KLF7: variants seen among roughly 807,000 people sequenced by gnomAD.
The protein encoded by KLF7 is KLF transcription factor 7.
Under a neutral mutation model 27.3 loss-of-function variants are expected in KLF7, and 2 were observed. The ratio of observed to expected loss-of-function variants is 0.07; its 90% CI spans 0.03 to 0.23. KLF7 has a LOEUF of 0.23. Ranked by LOEUF, KLF7 falls within the 10% of genes least tolerant of loss-of-function variation. KLF7 has a pLI of 1.00. For missense variants in KLF7, 221 were observed against 394.1 expected (o/e 0.56, Z 3.72); for synonymous variants, 165 against 162.4 (o/e 1.02, Z -0.12).
chr2:207,169,274 G>A (rs2078769834), upstream of KLF7, among the ~76,000 whole-genome samples: 1 of 152,078 alleles, frequency 6.6e-6, no homozygotes, highest in African/African-American at 2.4e-5. Context: ...CCCACCCGGG[G>A]GGAGCTTAGA....
At chr2:207,113,262 G>T (rs2077083098) in intron 2 of KLF7, among the ~76,000 whole-genome samples, 1 of 151,942 alleles carries the variant, frequency 6.6e-6, no homozygotes. Flanking sequence ...TTTTCCTGAA[G>T]ACCAAAGCTG....
chr2:207,075,139 T>C lies in KLF7; in HGVS notation c.*6074A>G, dbSNP rs945787326. 2 of 152,084 alleles carry C rather than the reference T, an allele frequency of 1.3e-5. No homozygotes were observed. The highest frequency in any genetic ancestry group is 1.5e-5 in the Non-Finnish European group (1 of 68,004). The allele number at this position is 152,084 out of a possible 1,614,324, so 9.4% of individuals were successfully genotyped here. On this transcript the variant is annotated 3_prime_UTR_variant, in exon 4 of 4. Transcript: ENST00000309446. ...TTATTACACATATTACATTCTTAAA[T>C]AAAAATGCGTCACATAACATTTTTT...
intron 2 of KLF7, among the ~76,000 whole-genome samples, chr2:207,097,146 C>A (rs2076650127): frequency 6.6e-6 from 1 of 151,946 alleles, no homozygotes; most frequent in South Asian, 2.1e-4. Context: ...AACTCAGCAT[C>A]AAAAAATAGA....
intron 1 of KLF7, among the ~76,000 whole-genome samples, chr2:207,129,268 T>C (rs1328714823): frequency 1.3e-5 from 2 of 152,192 alleles, no homozygotes; most frequent in Admixed American, 6.5e-5. Context: ...TCAGCGAATG[T>C]CAGTTTAATG....
upstream of KLF7, chr2:207,166,363 G>A (rs2078709574): frequency 5.2e-6 from 1 of 193,134 alleles, no homozygotes; most frequent in Admixed American, 6.5e-5. Context: ...TATATAAGGG[G>A]GCTGAGGCGG....
chr2:207,120,082 A>G (rs564128247), intron 2 of KLF7, among the ~76,000 whole-genome samples: 1 of 152,046 alleles, frequency 6.6e-6, no homozygotes, highest in Non-Finnish European at 1.5e-5. Context: ...GTTATCCTGC[A>G]CCTCCAGCTC....
Position 207,165,585 on chromosome 2 carries a change from A to T in KLF7, c.-17T>A. ...CACGTCCATGCTGCTGCTGCCGGGCAAAACGGGAGGCGAAACCCTCCCCCG... is the reference window on the plus strand; with the variant it reads ...CACGTCCATGCTGCTGCTGCCGGGCTAAACGGGAGGCGAAACCCTCCCCCG... On this transcript the variant is annotated 5_prime_UTR_variant, in exon 1 of 4. Coordinates refer to ENST00000309446, the MANE Select transcript of KLF7 (RefSeq NM_003709.4). 6.2e-7 allele frequency: 1 copy of T among 1,612,978 alleles called. No individual in the cohort carries two copies. The highest frequency in any genetic ancestry group is 1.1e-5 in the South Asian group (1 of 91,032).
upstream of KLF7, chr2:207,166,710 C>T (rs2078723022): frequency 3.8e-6 from 3 of 785,210 alleles, no homozygotes; most frequent in Admixed American, 1.3e-4. Flanking sequence ...CGCCTGGGCA[C>T]GGGGCAGGGA....
rs778806615 is a variant in KLF7 at position 207,076,954 on chromosome 2, C to CT, written c.*4258dup. On this transcript the variant is annotated 3_prime_UTR_variant, in exon 4 of 4. Transcript: ENST00000309446. Reference sequence around the variant, plus strand: ...AATTGTAGCCAGAAATGCTGGCCCTCTTAAGATTTCAAAAAAATTCTAATA... The same window carrying CT: ...AATTGTAGCCAGAAATGCTGGCCCTCTTTAAGATTTCAAAAAAATTCTAATA... 6.6e-6 allele frequency: 1 copy of CT among 152,152 alleles called. No homozygotes were observed. The highest frequency in any genetic ancestry group is 1.5e-5 in the Non-Finnish European group (1 of 68,032). 9.4% of individuals were successfully genotyped at this position (152,152 alleles called of 1,614,324 possible). A position where few individuals can be genotyped will look rare whatever the true frequency, so the allele number is the denominator to read the frequency against.
At chr2:207,148,017 A>G (rs2078144325) in intron 1 of KLF7, among the ~76,000 whole-genome samples, 1 of 152,214 alleles carries the variant, frequency 6.6e-6, no homozygotes, top group African/African-American at 2.4e-5. Flanking sequence ...CCGCTTTTTA[A>G]AAATCAAAAC....
intron 2 of KLF7, among the ~76,000 whole-genome samples, chr2:207,094,997 G>C (rs1431555404): frequency 3.4e-5 from 5 of 148,686 alleles, no homozygotes; most frequent in African/African-American, 1.2e-4. Context: ...TCACTTTACA[G>C]AGCATGCAAA....
upstream of KLF7, chr2:207,167,380 G>C (rs1186288401): frequency 1.2e-5 from 4 of 323,946 alleles, no homozygotes; most frequent in Non-Finnish European, 2.2e-5. Flanking sequence ...TGCAGAATTC[G>C]GTGCTTAAGA....
intron 1 of KLF7, among the ~76,000 whole-genome samples, chr2:207,133,364 G>A (rs2077690399): frequency 6.6e-6 from 1 of 152,206 alleles, no homozygotes; most frequent in Non-Finnish European, 1.5e-5. Context: ...CACTGAAAGT[G>A]AGATTTAAGA....
upstream of KLF7, chr2:207,166,770 G>A (rs1224138157): frequency 3.0e-6 from 3 of 987,598 alleles, no homozygotes; most frequent in Non-Finnish European, 3.6e-6. Context: ...AAAACAAGCA[G>A]AAAAGGCATC....
Position 207,107,100 on chromosome 2 carries a change from A to G in KLF7, c.733+16674T>C, listed in dbSNP as rs905140224. Among the ~76,000 whole-genome samples the G allele has an allele frequency of 3.9e-5, 6 of 152,204 alleles. No homozygotes were observed. The East Asian group carries it at 1.2e-3, about 29-fold the overall frequency. ...TCTCTTCCACTCCAGCCACGTCAAT[A>G]CCTGCCCCGTAGGAAGGGATATCGG... On this transcript the variant is annotated intron_variant, in intron 2 of 3. Transcript: ENST00000309446.
upstream of KLF7, chr2:207,166,273 G>T (rs904134803): frequency 2.5e-6 from 2 of 800,770 alleles, no homozygotes; most frequent in African/African-American, 1.9e-5. Context: ...GCTTGGCCCT[G>T]GCGGCGGGCG....
upstream of KLF7, chr2:207,166,321 A>C: frequency 3.2e-6 from 1 of 314,958 alleles, no homozygotes; most frequent in Non-Finnish European, 4.6e-6. Context: ...CTGCCTTACA[A>C]GGCGGTGCGA....
chr2:207,100,145 G>GA (rs1553521787), intron 2 of KLF7, among the ~76,000 whole-genome samples: 2 of 151,404 alleles, frequency 1.3e-5, no homozygotes, highest in African/African-American at 4.9e-5. Context: ...TCAAAAAAAA[G>GA]AAGAGCCCAA....
rs2076201451 is a variant in KLF7 at position 207,077,765 on chromosome 2, G to C, written c.*3448C>G. On this transcript the variant is annotated 3_prime_UTR_variant, in exon 4 of 4. Transcript: ENST00000309446. The stretch of plus-strand genomic sequence containing the variant: ...GTCTATGACTTACAGTCATGTGGCA[G>C]GAGAAAGAAGTATAATTTGAAATTA... 2 of 150,800 alleles carry C rather than the reference G, an allele frequency of 1.3e-5. No individual in the cohort carries two copies. The highest frequency in any genetic ancestry group is 4.9e-5 in the African/African-American group (2 of 41,142). The allele number at this position is 150,800 out of a possible 1,614,324, so 9.3% of individuals were successfully genotyped here. A position where few individuals can be genotyped will look rare whatever the true frequency, so the allele number is the denominator to read the frequency against.
Sources: gnomAD v4.1 joint callset for allele counts (sites outside exome capture counted in the v4.1 genomes callset) on GRCh38, gnomAD v4.1.1 for gene constraint, MANE v1.5 for transcripts, NCBI Gene and HGNC (gene_info 2026-07-23, HGNC 2026-07-21) for gene names.